RUNX2: variants seen among roughly 807,000 people sequenced by gnomAD.
RUNX2 encodes RUNX family transcription factor 2, also known as runt-related transcription factor 2.
A neutral mutation model predicts 51.7 loss-of-function variants in RUNX2; 10 were observed. The observed-to-expected ratio is 0.19, with a 90% CI of 0.12 to 0.33. RUNX2 has a LOEUF of 0.33. Ranked by LOEUF, RUNX2 falls within the 10% of genes least tolerant of loss-of-function variation. RUNX2 has a pLI of 1.00. For missense variants in RUNX2, 562 were observed against 691.3 expected (o/e 0.81, Z 2.10); for synonymous variants, 276 against 273.6 (o/e 1.01, Z -0.09).
chr6:45,413,709 A>T (rs1006406015), intron 2 of RUNX2, among the ~76,000 whole-genome samples: 1 of 152,140 alleles, frequency 6.6e-6, no homozygotes, highest in African/African-American at 2.4e-5. Flanking sequence ...GATTACAGGC[A>T]TGAGCCACCA....
At chr6:45,361,575 C>T (rs534872375) in intron 2 of RUNX2, 3 of 152,298 alleles carry the variant, frequency 2.0e-5, no homozygotes, top group Admixed American at 2.0e-4. Context: ...AATTTACAGG[C>T]TGCTTGAGTT....
intron 2 of RUNX2, among the ~76,000 whole-genome samples, chr6:45,416,469 A>G (rs550634857): frequency 6.6e-6 from 1 of 152,326 alleles, no homozygotes; most frequent in Admixed American, 6.5e-5. Flanking sequence ...GCAATATGTG[A>G]GCAGCTGGGT....
At chr6:45,458,710 G>A (rs1160852495) in intron 5 of RUNX2, among the ~76,000 whole-genome samples, 1 of 152,126 alleles carries the variant, frequency 6.6e-6, no homozygotes, top group Non-Finnish European at 1.5e-5. Flanking sequence ...GACCTTTCAA[G>A]GTTCATATAT....
At chr6:45,339,595 T>A (rs973679762) in intron 2 of RUNX2, among the ~76,000 whole-genome samples, 1 of 151,974 alleles carries the variant, frequency 6.6e-6, no homozygotes, top group African/African-American at 2.4e-5. Flanking sequence ...TAACAAGCTA[T>A]ATTAATAAGG....
chr6:45,506,428 G>C (rs1800968403), intron 6 of RUNX2, among the ~76,000 whole-genome samples: 1 of 152,260 alleles, frequency 6.6e-6, no homozygotes, highest in South Asian at 2.1e-4. Context: ...GTCATCTTTA[G>C]TGATACGTAG....
At chr6:45,502,271 G>A (rs1048977391) in intron 6 of RUNX2, among the ~76,000 whole-genome samples, 2 of 152,064 alleles carry the variant, frequency 1.3e-5, no homozygotes, top group African/African-American at 4.8e-5. Context: ...TTCCTCTTAT[G>A]CACGTTTGTT....
At chr6:45,423,403 C>T (rs985870901) in intron 3 of RUNX2, among the ~76,000 whole-genome samples, 1 of 152,134 alleles carries the variant, frequency 6.6e-6, no homozygotes, top group South Asian at 2.1e-4. Flanking sequence ...CGGGACATCC[C>T]GGCCTGGCCG....
At chr6:45,405,067 G>A (rs1252181303) in intron 2 of RUNX2, among the ~76,000 whole-genome samples, 1 of 152,116 alleles carries the variant, frequency 6.6e-6, no homozygotes, top group Admixed American at 6.5e-5. Context: ...GTTCTTACCA[G>A]TATTTAGAAT....
At chr6:45,540,937 A>G (rs1802205694) in intron 7 of RUNX2, among the ~76,000 whole-genome samples, 1 of 152,242 alleles carries the variant, frequency 6.6e-6, no homozygotes, top group African/African-American at 2.4e-5. Flanking sequence ...TGTGAGGTCA[A>G]GTGATGCAAT....
chr6:45,394,143 C>T (rs995075727), intron 2 of RUNX2, among the ~76,000 whole-genome samples: 5 of 152,066 alleles, frequency 3.3e-5, no homozygotes, highest in African/African-American at 1.2e-4. Flanking sequence ...GATCCGCCCT[C>T]CTCGTGATCC....
At chr6:45,456,417 A>G (rs1799320560) in intron 5 of RUNX2, among the ~76,000 whole-genome samples, 1 of 152,222 alleles carries the variant, frequency 6.6e-6, no homozygotes, top group East Asian at 1.9e-4. Flanking sequence ...CTATTCCTTT[A>G]AAAACATTAC....
chr6:45,519,516 C>T (rs191212357), intron 7 of RUNX2, among the ~76,000 whole-genome samples: 195 of 152,180 alleles, frequency 1.3e-3, no homozygotes, highest in African/African-American at 4.5e-3. Flanking sequence ...CCCTAAAAAT[C>T]CCCTGTACAC....
intron 5 of RUNX2, among the ~76,000 whole-genome samples, chr6:45,478,808 T>A (rs1800030481): frequency 6.6e-6 from 1 of 152,194 alleles, no homozygotes; most frequent in Admixed American, 6.6e-5. Flanking sequence ...AACCCATGTC[T>A]CCTTTCAGTC....
chr6:45,422,461 A>G, intron 2 of RUNX2, 132 bp from the exon 3 acceptor site: 1 of 709,460 alleles, frequency 1.4e-6, no homozygotes, highest in Non-Finnish European at 2.3e-6. Flanking sequence ...CCTCAGCCCC[A>G]TCACCTCCAT....
chr6:45,360,585 A>C (rs1202044022), intron 2 of RUNX2, among the ~76,000 whole-genome samples: 1 of 152,208 alleles, frequency 6.6e-6, no homozygotes, highest in African/African-American at 2.4e-5. Flanking sequence ...TTCACAGCTC[A>C]TATCTTCATA....
At chr6:45,383,778 T>G (rs929690945) in intron 2 of RUNX2, among the ~76,000 whole-genome samples, 1 of 151,586 alleles carries the variant, frequency 6.6e-6, no homozygotes, top group Non-Finnish European at 1.5e-5. Context: ...CTATTACATG[T>G]GGAAACAGGA....
At chr6:45,537,636 A>G (rs1351116171) in intron 7 of RUNX2, among the ~76,000 whole-genome samples, 1 of 152,160 alleles carries the variant, frequency 6.6e-6, no homozygotes, top group African/African-American at 2.4e-5. Context: ...ACACCATGGG[A>G]TGCTGTGGCT....
chr6:45,380,317 T>C (rs140239259), intron 2 of RUNX2, among the ~76,000 whole-genome samples: 14 of 152,324 alleles, frequency 9.2e-5, no homozygotes, highest in African/African-American at 3.4e-4. Context: ...ACCAAGTTAA[T>C]TTATCACTCC....
chr6:45,522,071 A>G (rs945154999), intron 7 of RUNX2, among the ~76,000 whole-genome samples: 1 of 152,220 alleles, frequency 6.6e-6, no homozygotes, highest in African/African-American at 2.4e-5. Context: ...AGATTTTAAT[A>G]ATGTCATCTA....
Sources: allele counts gnomAD v4.1 joint callset (sites outside exome capture counted in the v4.1 genomes callset), GRCh38; gene constraint gnomAD v4.1.1; transcripts MANE v1.5; gene names NCBI Gene and HGNC (gene_info 2026-07-23, HGNC 2026-07-21).